Variants in INTS2 observed in about 807,000 individuals in gnomAD.
INTS2 encodes KIAA1287.
A neutral mutation model predicts 139.6 loss-of-function variants in INTS2; 57 were observed. The ratio of observed to expected loss-of-function variants is 0.41; its 90% confidence interval spans 0.33 to 0.51. The LOEUF (loss-of-function observed/expected upper bound fraction) is 0.51. Among genes scored for constraint, INTS2 ranks in the 20% least tolerant of loss-of-function variants. INTS2 has a pLI of 0.28. For missense variants in INTS2, 1,196 were observed against 1,436.7 expected (o/e 0.83, Z 2.71); for synonymous variants, 473 against 493.4 (o/e 0.96, Z 0.55).
intron 15 of INTS2, among the ~76,000 whole-genome samples, chr17:61,889,065 A>C (rs1213156358): frequency 6.7e-6 from 1 of 148,230 alleles, no homozygotes. Flanking sequence ...AAACCAAAAC[A>C]AAACAAAAAA....
At chr17:61,918,927 T>C (rs962507650) in intron 5 of INTS2, among the ~76,000 whole-genome samples, 1 of 149,988 alleles carries the variant, frequency 6.7e-6, no homozygotes, top group South Asian at 2.1e-4. Context: ...CTTGGGGTTT[T>C]TTTTTTTTTT....
chr17:61,902,558 G>A (rs2079417351), intron 9 of INTS2, among the ~76,000 whole-genome samples: 1 of 152,002 alleles, frequency 6.6e-6, no homozygotes, highest in Non-Finnish European at 1.5e-5. Context: ...TTTAGAACCT[G>A]TTCAGCACTC....
chr17:61,911,792 C>T, intron 6 of INTS2, 99 bp from the exon 7 acceptor site: 1 of 1,438,854 alleles, frequency 6.9e-7, no homozygotes, highest in Non-Finnish European at 9.4e-7. Flanking sequence ...GGAAGAACTC[C>T]TACAAAACAT....
rs1340442538 is a variant in INTS2 at position 61,878,944 on chromosome 17, A to ACAAAAAAAC, written c.2255-857_2255-856insGTTTTTTTG. On this transcript the variant is annotated intron_variant, in intron 17 of 24. Coordinates refer to ENST00000251334, the MANE Select transcript of INTS2 (RefSeq NM_001351695.2). The stretch of plus-strand genomic sequence containing the variant: ...AGACCCTGTCTCCAAAAAAAAAAAA[A>ACAAAAAAAC]AAAAAAAAAACACTTTACTGACCCG... Among the ~76,000 whole-genome samples the ACAAAAAAAC allele has an allele frequency of 1.5e-5, 2 of 137,238 alleles. 1 individual carries two copies. Among genetic ancestry groups the ACAAAAAAAC allele is most frequent in the African/African-American group, 7.0e-5 (2 of 28,766 alleles). The allele number at this position is 137,238 out of a possible 152,430, so 90.0% of individuals were successfully genotyped here.
At position 61,867,323 on chromosome 17, in the gene INTS2, A is replaced by AT; in HGVS notation, c.*233_*234insA. The AT allele has an allele frequency of 7.0e-6, 2 of 286,322 alleles. No homozygotes were observed. Among genetic ancestry groups the AT allele is most frequent in the Non-Finnish European group, 1.3e-5 (2 of 155,370 alleles). The allele number at this position is 286,322 out of a possible 1,614,324, so 17.7% of individuals were successfully genotyped here. ...ATGTGTTCCCAGTGGAAAAAAAAAA[A>AT]GCTCAGCTGCTACAATAGAAACATA... is the stretch of plus-strand genomic sequence containing the variant. On this transcript the variant is annotated 3_prime_UTR_variant, in exon 25 of 25. Transcript: ENST00000251334. The surrounding 1 kb of genome is among the most constrained non-coding windows in gnomAD (Gnocchi z 5.6).
chr17:61,889,791 G>A lies in INTS2; in HGVS notation c.1979C>T (p.Thr660Ile), dbSNP rs746745625. 1.9e-6 allele frequency: 3 copies of A among 1,544,592 alleles called. No individual in the cohort carries two copies. The South Asian group carries it at 3.4e-5, about 17-fold the overall frequency. ...YEEALLANTK[T>I]LAAMQRKPKS... ...CTCCTCTACGTACAACTTACCTAAA[G>A]TCTTCGTGTTTGCTAGAAGAGCCTC... The change falls in exon 15 of 25, where the codon ACT (threonine) becomes ATT (isoleucine). Residue 660 changes from threonine (T) to isoleucine (I), a missense_variant. Physicochemically the swap from Thr to Ile is moderately conservative, Grantham distance 89. This residue lies in a region of INTS2 where 1,129 missense variants were observed against 1,341.9 expected (regional missense o/e 0.84). Coordinates refer to ENST00000251334, the MANE Select transcript of INTS2 (RefSeq NM_001351695.2).
chr17:61,926,558 T>C lies in INTS2; in HGVS notation c.87A>G (p.Leu29=), dbSNP rs2079716284. 1.2e-6 allele frequency: 2 copies of C among 1,613,316 alleles called. No individual in the cohort carries two copies. Among genetic ancestry groups the C allele is most frequent in the Non-Finnish European group, 1.7e-6 (2 of 1,179,620 alleles). ...GAAGAAGTCTTAATTCTGGATCACTTAAAGATGCCAGGCAAACAACATCCA... is the reference window on the plus strand; with the variant it reads ...GAAGAAGTCTTAATTCTGGATCACTCAAAGATGCCAGGCAAACAACATCCA... The part of the protein sequence containing the change: ...QKVDVVCLAS[L]SDPELRLLLP... The change falls in exon 2 of 25, where the codon TTA becomes TTG. Residue 29 remains leucine (L), a synonymous_variant. Transcript: ENST00000251334.
At position 61,925,994 on chromosome 17, in the gene INTS2, C is replaced by G. The variant is rs182420771; in HGVS notation, c.293+358G>C. Among the ~76,000 whole-genome samples, 97 of 152,072 alleles carry G rather than the reference C, an allele frequency of 6.4e-4. 1 individual carries two copies. The East Asian group carries it at 0.018, about 28-fold the overall frequency. ...TGAGCCAAGATCACGCCATTGCACT[C>G]CAGCCTGGGCAACAAGAGCGAAACT... On this transcript the variant is annotated intron_variant, in intron 2 of 24. Transcript: ENST00000251334.
Position 61,924,942 on chromosome 17 carries a change from G to A in INTS2, c.432+19C>T, listed in dbSNP as rs374779111. On this transcript the variant is annotated intron_variant, in intron 3 of 24. Coordinates refer to ENST00000251334, the MANE Select transcript of INTS2 (RefSeq NM_001351695.2). ...CATCAAATCATGCATACTTTGAGCTGTGGTTAAAAGAAATGCACCTTGTTC... is the reference window on the plus strand; with the variant it reads ...CATCAAATCATGCATACTTTGAGCTATGGTTAAAAGAAATGCACCTTGTTC... The A allele has an allele frequency of 5.6e-6, 9 of 1,607,638 alleles. No homozygotes were observed. In the African/African-American group the frequency reaches 1.2e-4, roughly 21 times the overall value.
At chr17:61,912,117 C>A in intron 5 of INTS2, 47 bp from the exon 6 acceptor site, 2 of 1,586,602 alleles carry the variant, frequency 1.3e-6, no homozygotes, top group South Asian at 2.3e-5. Context: ...ATTAATTGTT[C>A]ATGAAGATTT....
intron 14 of INTS2, 120 bp from the exon 15 acceptor site, chr17:61,890,014 A>G (rs2079274083): frequency 4.6e-6 from 3 of 645,728 alleles, no homozygotes; most frequent in Non-Finnish European, 8.2e-6. Context: ...CTCAGGTAAA[A>G]CAGGAGAAAT....
rs549420141 is a variant in INTS2, at chr17:61,923,346, G to A, written c.433-1519C>T. ...CAAAAGATTAGCCAGGCATGGTGGC[G>A]GGCACCTGTAGTCCCAGCTACTCGG... On this transcript the variant is annotated intron_variant, in intron 3 of 24. Transcript: ENST00000251334. 3.4e-4 allele frequency among the ~76,000 whole-genome samples: 51 copies of A among 151,272 alleles called. 1 individual carries two copies. The highest frequency in any genetic ancestry group is 5.2e-4 in the Non-Finnish European group (35 of 67,830).
At position 61,875,905 on chromosome 17, in the gene INTS2, A is replaced by G. The variant is rs1181273787; in HGVS notation, c.2457-867T>C. On this transcript the variant is annotated intron_variant, in intron 18 of 24. Coordinates refer to ENST00000251334, the MANE Select transcript of INTS2 (RefSeq NM_001351695.2). The surrounding 1 kb of genome is among the most constrained non-coding windows in gnomAD (Gnocchi z 4.6). ...AACAGGGCCTGACACAGTGGCTCACACCTGTGAAATCCCAGCACTTTGGGA... is the reference window on the plus strand; with the variant it reads ...AACAGGGCCTGACACAGTGGCTCACGCCTGTGAAATCCCAGCACTTTGGGA... Among the ~76,000 whole-genome samples, 1 of 152,166 alleles carries G rather than the reference A, an allele frequency of 6.6e-6. No individual in the cohort carries two copies. Among genetic ancestry groups the G allele is most frequent in the Non-Finnish European group, 1.5e-5 (1 of 68,022 alleles).
At chr17:61,881,844 T>A (rs1170330824) in intron 16 of INTS2, among the ~76,000 whole-genome samples, 4 of 152,190 alleles carry the variant, frequency 2.6e-5, no homozygotes, top group Non-Finnish European at 4.4e-5. Flanking sequence ...AACTACTACT[T>A]ATAAAGAAAG....
chr17:61,913,981 AAAAT>A (rs1409116598), intron 5 of INTS2, among the ~76,000 whole-genome samples: 4 of 152,102 alleles, frequency 2.6e-5, no homozygotes, highest in African/African-American at 4.8e-5. Flanking sequence ...GAGGAAAAAG[AAAAT>A]AAATAGAAAA....
Position 61,912,026 on chromosome 17 carries a change from T to C in INTS2, c.694A>G (p.Ser232Gly), listed in dbSNP as rs763957845. 7.4e-6 allele frequency: 12 copies of C among 1,613,694 alleles called. No homozygotes were observed. The highest frequency in any genetic ancestry group is 6.7e-5 in the African/African-American group (5 of 74,908). Residue 232 changes from serine to glycine, a missense_variant, in exon 6 of 25, where the codon AGT (serine) becomes GGT (glycine). Ser to Gly is a moderately conservative substitution (Grantham distance 56, BLOSUM62 0). Transcript: ENST00000251334. The part of the protein sequence containing the change: ...IKNGERQDEE[S>G]LGGRRRTDAL... Reference sequence around the variant, plus strand: ...TCTGTCCTGCGCCTTCCTCCAAGACTTTCTTCATCTTGTCGTTCTCCATTT... The same window carrying C: ...TCTGTCCTGCGCCTTCCTCCAAGACCTTCTTCATCTTGTCGTTCTCCATTT...
chr17:61,908,061 T>C (rs1449109290), intron 7 of INTS2, among the ~76,000 whole-genome samples: 1 of 152,170 alleles, frequency 6.6e-6, no homozygotes, highest in East Asian at 1.9e-4. Context: ...CCAATTTCCT[T>C]AATGACAAGG....
chr17:61,888,998 C>A (rs1439885977), intron 15 of INTS2, among the ~76,000 whole-genome samples: 2 of 149,954 alleles, frequency 1.3e-5, no homozygotes, highest in African/African-American at 5.0e-5. Context: ...GCACTCTAGG[C>A]TGGGCAACAG....
chr17:61,869,147 A>G lies in INTS2; in HGVS notation c.3139-8T>C, dbSNP rs1490560781. 6.4e-7 allele frequency: 1 copy of G among 1,566,666 alleles called. No individual in the cohort carries two copies. Among genetic ancestry groups the G allele is most frequent in the East Asian group, 2.2e-5 (1 of 44,594 alleles). On this transcript the variant is annotated splice_region_variant and splice_polypyrimidine_tract_variant and intron_variant, in intron 22 of 24. Coordinates refer to ENST00000251334, the MANE Select transcript of INTS2 (RefSeq NM_001351695.2). The surrounding 1 kb of genome is among the most constrained non-coding windows in gnomAD (Gnocchi z 5.4). Reference sequence around the variant, plus strand: ...CAACTGGATAGCAAATATCTGCAATACAAAATCCAGTTATTACATGTTTCT... The same window carrying G: ...CAACTGGATAGCAAATATCTGCAATGCAAAATCCAGTTATTACATGTTTCT...
Sources: allele counts gnomAD v4.1 joint callset (sites outside exome capture counted in the v4.1 genomes callset), GRCh38; gene constraint gnomAD v4.1.1; regional missense constraint gnomAD v4.1.1; non-coding constraint Gnocchi (gnomAD v3.1); transcripts MANE v1.5; gene names NCBI Gene and HGNC (gene_info 2026-07-23, HGNC 2026-07-21).